The following CDYL2 variants were observed in gnomAD, a reference collection of about 807,000 sequenced individuals.
CDYL2 encodes chromodomain Y-like protein 2.
CDYL2 carries 23 observed loss-of-function variants against 49.4 expected under a neutral mutation model. The ratio of observed to expected loss-of-function variants is 0.47; its 90% confidence interval spans 0.34 to 0.66. The LOEUF (loss-of-function observed/expected upper bound fraction) is 0.66. Ranked by LOEUF, CDYL2 falls within the 30% of genes least tolerant of loss-of-function variation. CDYL2 has a pLI of 0.01. For synonymous variants in CDYL2, 360 were observed against 268.8 expected (o/e 1.34, Z -3.32); for missense variants, 678 against 656.4 (o/e 1.03, Z -0.36).
At chr16:80,726,788 C>G (rs1017621167) in intron 1 of CDYL2, among the ~76,000 whole-genome samples, 3 of 152,134 alleles carry the variant, frequency 2.0e-5, no homozygotes, top group Non-Finnish European at 2.9e-5. Flanking sequence ...ACAACAATCA[C>G]AAAACAAACA....
intron 1 of CDYL2, among the ~76,000 whole-genome samples, chr16:80,788,456 T>C (rs1312805096): frequency 6.6e-6 from 1 of 152,248 alleles, no homozygotes; most frequent in Admixed American, 6.5e-5. Flanking sequence ...CACCTGTTTT[T>C]GTGCCATAAG....
rs113014431 is a variant in CDYL2, at chr16:80,727,159, T to A, written c.25-42030A>T. Among the ~76,000 whole-genome samples, 1,172 of 152,170 alleles carry A rather than the reference T, an allele frequency of 7.7e-3. 21 individuals carry two copies. The highest frequency in any genetic ancestry group is 0.026 in the African/African-American group (1,092 of 41,508). The stretch of plus-strand genomic sequence containing the variant: ...CAGCGTGAGTGACGCAGAAGACGGG[T>A]GATTTCTGCATTTCCATCTGAGGTA... On this transcript the variant is annotated intron_variant, in intron 1 of 6. Transcript: ENST00000570137.
chr16:80,767,768 C>T (rs16953978), intron 1 of CDYL2, among the ~76,000 whole-genome samples: 1,769 of 152,286 alleles, frequency 0.012, 32 homozygotes, highest in African/African-American at 0.04. Flanking sequence ...TGCCAATATT[C>T]ACTGGGTGCC....
At chr16:80,616,295 G>T (rs1031663600) in intron 4 of CDYL2, among the ~76,000 whole-genome samples, 3 of 152,214 alleles carry the variant, frequency 2.0e-5, no homozygotes, top group Admixed American at 6.5e-5. Context: ...CAAGGAGACG[G>T]TCCATGCAGG....
chr16:80,668,766 G>A (rs1027559099), intron 2 of CDYL2, among the ~76,000 whole-genome samples: 4 of 151,948 alleles, frequency 2.6e-5, no homozygotes, highest in African/African-American at 9.7e-5. Flanking sequence ...AGGCACGGGG[G>A]TGGGCACCTG....
chr16:80,608,296 G>C (rs1416096690), intron 5 of CDYL2, 61 bp from the exon 6 acceptor site: 2 of 1,463,106 alleles, frequency 1.4e-6, no homozygotes, highest in Non-Finnish European at 1.8e-6. Flanking sequence ...TCCCTCAGCT[G>C]GTCCAGGGCT....
intron 2 of CDYL2, among the ~76,000 whole-genome samples, chr16:80,638,893 A>G (rs1274949493): frequency 6.6e-6 from 1 of 152,168 alleles, no homozygotes; most frequent in African/African-American, 2.4e-5. Context: ...AGGATAGTAC[A>G]GGAGAAACCC....
At chr16:80,733,735 T>C (rs1289258362) in intron 1 of CDYL2, among the ~76,000 whole-genome samples, 1 of 152,168 alleles carries the variant, frequency 6.6e-6, no homozygotes. Flanking sequence ...TGTCAGGATG[T>C]TAGAAGAAGC....
chr16:80,779,925 G>A (rs1907208367), intron 1 of CDYL2, among the ~76,000 whole-genome samples: 1 of 152,046 alleles, frequency 6.6e-6, no homozygotes, highest in Admixed American at 6.5e-5. Context: ...ACATGTATCT[G>A]CTTTATAATC....
At chr16:80,748,292 C>T (rs879852510) in intron 1 of CDYL2, among the ~76,000 whole-genome samples, 4 of 148,058 alleles carry the variant, frequency 2.7e-5, no homozygotes, top group East Asian at 2.0e-4. Flanking sequence ...TTTGGGAGGC[C>T]GAGACAGGCA....
At chr16:80,615,405 C>G (rs547200856) in intron 4 of CDYL2, among the ~76,000 whole-genome samples, 27 of 152,242 alleles carry the variant, frequency 1.8e-4, no homozygotes, top group Admixed American at 7.2e-4. Context: ...TCTTAGATCT[C>G]AGAGGTGGGA....
chr16:80,665,258 G>A (rs1909212136), intron 2 of CDYL2, among the ~76,000 whole-genome samples: 3 of 152,022 alleles, frequency 2.0e-5, no homozygotes, highest in African/African-American at 4.8e-5. Flanking sequence ...TGGAAGCTGC[G>A]TCTATAATCT....
intron 1 of CDYL2, among the ~76,000 whole-genome samples, chr16:80,792,994 T>G (rs1280259875): frequency 3.3e-5 from 5 of 152,286 alleles, no homozygotes; most frequent in African/African-American, 1.2e-4. Flanking sequence ...GCTGAGATCT[T>G]AGTTGTAACC....
intron 1 of CDYL2, among the ~76,000 whole-genome samples, chr16:80,791,145 A>T (rs986638366): frequency 6.6e-6 from 1 of 152,194 alleles, no homozygotes; most frequent in Non-Finnish European, 1.5e-5. Context: ...ACATTTATTG[A>T]TAACACAAAG....
rs140160051 is a variant in CDYL2 at position 80,741,238 on chromosome 16, G to T, written c.25-56109C>A. 2.7e-3 allele frequency among the ~76,000 whole-genome samples: 400 copies of T among 150,874 alleles called. 2 individuals carry two copies. Among genetic ancestry groups the T allele is most frequent in the African/African-American group, 9.4e-3 (386 of 41,278 alleles). ...TAATAAAATGGTATTTTAGATTCTA[G>T]ATTCAATAAAGTGGGATTGGGACAA... is the stretch of plus-strand genomic sequence containing the variant. On this transcript the variant is annotated intron_variant, in intron 1 of 6. Coordinates refer to ENST00000570137, the MANE Select transcript of CDYL2 (RefSeq NM_152342.4).
intron 1 of CDYL2, among the ~76,000 whole-genome samples, chr16:80,729,516 C>T (rs1337274878): frequency 2.6e-5 from 4 of 151,900 alleles, no homozygotes; most frequent in African/African-American, 9.7e-5. Flanking sequence ...ACTTTAACAC[C>T]CCACTGTCAA....
At chr16:80,778,239 G>A (rs1249514711) in intron 1 of CDYL2, among the ~76,000 whole-genome samples, 1 of 151,916 alleles carries the variant, frequency 6.6e-6, no homozygotes, top group Non-Finnish European at 1.5e-5. Flanking sequence ...TTTATTGAAT[G>A]AGAAACAAGA....
chr16:80,638,396 G>T (rs1907935360), intron 2 of CDYL2, among the ~76,000 whole-genome samples: 1 of 152,140 alleles, frequency 6.6e-6, no homozygotes, highest in African/African-American at 2.4e-5. Flanking sequence ...TTTTTAATAT[G>T]TCAATTCTTC....
At chr16:80,669,076 C>T (rs1909390894) in intron 2 of CDYL2, among the ~76,000 whole-genome samples, 1 of 151,750 alleles carries the variant, frequency 6.6e-6, no homozygotes, top group African/African-American at 2.4e-5. Context: ...CCTAGATATA[C>T]CACACTGACA....
Sources: allele counts gnomAD v4.1 joint callset (sites outside exome capture counted in the v4.1 genomes callset), GRCh38; gene constraint gnomAD v4.1.1; transcripts MANE v1.5; gene names NCBI Gene and HGNC (gene_info 2026-07-23, HGNC 2026-07-21).